Variants in NBAS observed in about 807,000 individuals in gnomAD.
NBAS encodes the protein NBAS subunit of NRZ tethering complex.
Under a neutral mutation model 302.5 loss-of-function variants are expected in NBAS, and 219 were observed. The ratio of observed to expected loss-of-function variants is 0.72; its 90% CI spans 0.65 to 0.81. The LOEUF (loss-of-function observed/expected upper bound fraction) is 0.81. NBAS is among the 30% of genes least tolerant of loss of function. NBAS has a pLI of 0.00. For missense variants in NBAS, 2,932 were observed against 2,841.6 expected, an observed-to-expected ratio of 1.03 and a Z score of -0.72; for synonymous variants, 1,118 against 1,021.6, an observed-to-expected ratio of 1.09 and a Z score of -1.80.
the NBAS span, among the ~76,000 whole-genome samples, chr2:15,005,829 C>T: frequency 5.9e-5 from 9 of 152,146 alleles, no homozygotes; most frequent in Non-Finnish European, 1.3e-4. Flanking sequence ...AACCATATTG[C>T]CGTAGTTTTC....
chr2:14,804,984 C>A, the NBAS span, among the ~76,000 whole-genome samples: 1 of 152,306 alleles, frequency 6.6e-6, no homozygotes, highest in Non-Finnish European at 1.5e-5. Context: ...GGTTCTTTTG[C>A]CTGAAACACA....
chr2:15,165,123 TATAAC>T (rs1663982860), downstream of NBAS, among the ~76,000 whole-genome samples: 1 of 152,256 alleles, frequency 6.6e-6, no homozygotes, highest in Non-Finnish European at 1.5e-5. Flanking sequence ...GGGATTCTGT[TATAAC>T]AGACTGTGTT....
chr2:14,977,991 C>A, the NBAS span, among the ~76,000 whole-genome samples: 2 of 152,210 alleles, frequency 1.3e-5, no homozygotes, highest in South Asian at 4.2e-4. Flanking sequence ...GTGAAGTACT[C>A]AAAAAACAAG....
intron 30 of NBAS, among the ~76,000 whole-genome samples, chr2:15,377,607 ACATAGC>A (rs1674808468): frequency 6.6e-6 from 1 of 152,218 alleles, no homozygotes; most frequent in Non-Finnish European, 1.5e-5. Flanking sequence ...GTGGATTTGC[ACATAGC>A]CATCTGGCCC....
chr2:15,323,015 C>T (rs1671892680), intron 38 of NBAS, among the ~76,000 whole-genome samples: 2 of 152,122 alleles, frequency 1.3e-5, no homozygotes, highest in African/African-American at 4.8e-5. Flanking sequence ...ATGTTTTTAT[C>T]GCTCAATGAT....
chr2:15,381,027 C>A (rs944791829), intron 29 of NBAS, among the ~76,000 whole-genome samples: 2 of 152,132 alleles, frequency 1.3e-5, no homozygotes, highest in African/African-American at 4.8e-5. Flanking sequence ...TAAAGAGCAA[C>A]CCTAATCACT....
chr2:15,119,249 T>C, the NBAS span, among the ~76,000 whole-genome samples: 1 of 151,624 alleles, frequency 6.6e-6, no homozygotes, highest in Non-Finnish European at 1.5e-5. Flanking sequence ...TGGCTGAGAG[T>C]GAGACCTGGT....
chr2:15,000,013 T>C, the NBAS span, among the ~76,000 whole-genome samples: 1 of 152,238 alleles, frequency 6.6e-6, no homozygotes, highest in Non-Finnish European at 1.5e-5. Flanking sequence ...ATTGAAGTTA[T>C]TGCCAATAAG....
the NBAS span, among the ~76,000 whole-genome samples, chr2:15,097,934 C>T: frequency 2.1e-3 from 22 of 10,322 alleles, no homozygotes; most frequent in South Asian, 0.016. Context: ...ATATATATTA[C>T]ATATATATTA....
chr2:14,833,283 C>T, the NBAS span, among the ~76,000 whole-genome samples: 1 of 152,108 alleles, frequency 6.6e-6, no homozygotes, highest in Non-Finnish European at 1.5e-5. Flanking sequence ...CATACCGATA[C>T]ATAATGGACT....
the NBAS span, among the ~76,000 whole-genome samples, chr2:15,003,870 A>G: frequency 6.6e-6 from 1 of 152,252 alleles, no homozygotes; most frequent in Non-Finnish European, 1.5e-5. Flanking sequence ...AGTTTTAATT[A>G]GAATGCTCTC....
At position 15,450,809 on chromosome 2, in the gene NBAS, T is replaced by A. The variant is rs569798577; in HGVS notation, c.2339+10392A>T. 5.3e-5 allele frequency among the ~76,000 whole-genome samples: 8 copies of A among 152,372 alleles called. No individual in the cohort carries two copies. The East Asian group carries it at 1.3e-3, about 26-fold the overall frequency. On this transcript the variant is annotated intron_variant, in intron 21 of 51. Transcript: ENST00000281513. ...TCTTTTTTTCAGCATCAGGTTCATT[T>A]TTGATGCTTTCATTTTTAAATGAGT... is the stretch of plus-strand genomic sequence containing the variant.
At chr2:15,036,082 G>A in the NBAS span, among the ~76,000 whole-genome samples, 11 of 152,104 alleles carry the variant, frequency 7.2e-5, no homozygotes, top group Admixed American at 1.3e-4. Flanking sequence ...TTATTCTCAC[G>A]CCAACAGAAA....
At chr2:15,254,783 G>A (rs189635306) in intron 44 of NBAS, among the ~76,000 whole-genome samples, 5 of 152,300 alleles carry the variant, frequency 3.3e-5, no homozygotes, top group Admixed American at 1.3e-4. Flanking sequence ...TTATAAGTGA[G>A]AACATAAGAT....
chr2:15,109,311 A>G, the NBAS span, among the ~76,000 whole-genome samples: 1 of 152,148 alleles, frequency 6.6e-6, no homozygotes, highest in Admixed American at 6.5e-5. Flanking sequence ...AGCAACAACC[A>G]ACAGTCATGA....
In NBAS at chr2:15,556,835, A is replaced by T. The variant is rs1664668688; in HGVS notation, c.173-16T>A. The T allele has an allele frequency of 2.5e-6, 4 of 1,601,694 alleles. No individual in the cohort carries two copies. Among genetic ancestry groups the T allele is most frequent in the Non-Finnish European group, 3.4e-6 (4 of 1,169,002 alleles). ...AATAAACGATCTGTAATCAAAAGAA[A>T]TGGCAAAGCCAAATATAAATCAGCT... On this transcript the variant is annotated splice_polypyrimidine_tract_variant and intron_variant, in intron 2 of 51. Transcript: ENST00000281513.
intron 32 of NBAS, among the ~76,000 whole-genome samples, chr2:15,360,366 A>C (rs1024206313): frequency 6.7e-6 from 1 of 150,270 alleles, no homozygotes; most frequent in Admixed American, 6.7e-5. Context: ...ACAGAATCTC[A>C]CTGTGTCGCC....
intron 44 of NBAS, among the ~76,000 whole-genome samples, chr2:15,265,329 A>G (rs1374172805): frequency 6.6e-6 from 1 of 152,176 alleles, no homozygotes; most frequent in Non-Finnish European, 1.5e-5. Context: ...ACTTTGGCCA[A>G]TCACTCTCTA....
intron 25 of NBAS, among the ~76,000 whole-genome samples, chr2:15,412,733 A>AACT (rs1676738095): frequency 6.6e-6 from 1 of 152,188 alleles, no homozygotes; most frequent in African/African-American, 2.4e-5. Context: ...TCACAATAGA[A>AACT]GTCACTGTGT....
Sources: allele counts gnomAD v4.1 joint callset (sites outside exome capture counted in the v4.1 genomes callset), GRCh38; gene constraint gnomAD v4.1.1; transcripts MANE v1.5; gene names NCBI Gene and HGNC (gene_info 2026-07-23, HGNC 2026-07-21).